The following ZNF487 variants were observed in gnomAD, a reference collection of about 807,000 sequenced individuals.
ZNF487 encodes the protein zinc finger protein 487.
In ZNF487, 4 loss-of-function variants were observed where a neutral mutation model predicts 3.0. The ratio of observed to expected loss-of-function variants is 1.35; its 90% CI spans 0.66 to 3.08. ZNF487 has a LOEUF of 3.08. Among genes scored for constraint, ZNF487 ranks in the 30% most tolerant of loss-of-function variants. ZNF487 has a pLI of 0.01. For synonymous variants in ZNF487, 55 were observed against 34.6 expected (o/e 1.59, Z -2.06); for missense variants, 146 against 98.7 (o/e 1.48, Z -2.03).
intron 1 of ZNF487, among the ~76,000 whole-genome samples, chr10:43,447,183 T>C (rs61859050): frequency 0.034 from 5,142 of 150,404 alleles, 115 homozygotes; most frequent in South Asian, 0.042. Flanking sequence ...GAGACGGAGA[T>C]GAGGGAGAGG....
In ZNF487 at chr10:43,455,793, G is replaced by A. The variant is rs1238827574; in HGVS notation, c.-94+18531G>A. Among the ~76,000 whole-genome samples the A allele has an allele frequency of 3.9e-5, 6 of 152,250 alleles. No homozygotes were observed. In the South Asian group the frequency reaches 1.2e-3, roughly 31 times the overall value. On this transcript the variant is annotated intron_variant, in intron 1 of 3. Coordinates refer to ENST00000437590, the MANE Select transcript of ZNF487 (RefSeq NM_001355444.3). ...CCCTTTGGCGCGTAGGAGACAGCGC[G>A]CCAGGCTGGCAGCCGGCCTTAGCGG...
intron 3 of ZNF487, among the ~76,000 whole-genome samples, chr10:43,479,772 C>T (rs188511875): frequency 2.6e-5 from 4 of 152,176 alleles, no homozygotes; most frequent in Admixed American, 6.5e-5. Flanking sequence ...CTCAGCCACC[C>T]GAGTAGCTGG....
chr10:43,445,414 C>T (rs571671531), intron 1 of ZNF487, among the ~76,000 whole-genome samples: 1 of 152,198 alleles, frequency 6.6e-6, no homozygotes, highest in East Asian at 1.9e-4. Flanking sequence ...GTGAATTTTA[C>T]TTTTTGGATG....
chr10:43,488,801 G>A, the ZNF487 span, among the ~76,000 whole-genome samples: 1 of 152,104 alleles, frequency 6.6e-6, no homozygotes, highest in African/African-American at 2.4e-5. Context: ...ATCAAAGAAA[G>A]TATGGCTACT....
At chr10:43,502,227 T>C in the ZNF487 span, among the ~76,000 whole-genome samples, 5 of 152,230 alleles carry the variant, frequency 3.3e-5, no homozygotes, top group African/African-American at 9.6e-5. Flanking sequence ...TTCATGTCTT[T>C]TGTAGGGACA....
At chr10:43,489,217 A>C in the ZNF487 span, among the ~76,000 whole-genome samples, 1 of 150,740 alleles carries the variant, frequency 6.6e-6, no homozygotes, top group African/African-American at 2.4e-5. Flanking sequence ...GGCTCATGCC[A>C]AGGAAGGAGG....
the ZNF487 span, among the ~76,000 whole-genome samples, chr10:43,512,281 G>A: frequency 1.1e-4 from 16 of 152,210 alleles, no homozygotes; most frequent in Non-Finnish European, 2.1e-4. Flanking sequence ...GGTGGCAGGA[G>A]TGGAGACCAT....
intron 1 of ZNF487, among the ~76,000 whole-genome samples, chr10:43,456,066 T>C (rs1040351110): frequency 6.6e-6 from 1 of 152,180 alleles, no homozygotes; most frequent in Non-Finnish European, 1.5e-5. Context: ...GGGGCACTTG[T>C]AGTCAGGGTT....
At chr10:43,468,713 G>A (rs574543206) in intron 1 of ZNF487, among the ~76,000 whole-genome samples, 3 of 145,696 alleles carry the variant, frequency 2.1e-5, no homozygotes, top group East Asian at 2.1e-4. Context: ...AAGGCCGGGC[G>A]CAGTGGCTCA....
intron 2 of ZNF487, 91 bp from the exon 3 acceptor site, chr10:43,476,016 T>C (rs945288212): frequency 2.9e-6 from 2 of 684,210 alleles, no homozygotes; most frequent in East Asian, 2.7e-5. Flanking sequence ...TTTTCTGTAA[T>C]GAAATGCTCA....
At chr10:43,480,878 C>G (rs972548250) in intron 3 of ZNF487, among the ~76,000 whole-genome samples, 1 of 152,146 alleles carries the variant, frequency 6.6e-6, no homozygotes, top group Admixed American at 6.6e-5. Flanking sequence ...ACTGTAGACT[C>G]TAATAATTAC....
At chr10:43,479,373 TTTC>T (rs1323985789) in intron 3 of ZNF487, among the ~76,000 whole-genome samples, 1 of 152,176 alleles carries the variant, frequency 6.6e-6, no homozygotes, top group Non-Finnish European at 1.5e-5. Context: ...GTGATCTATT[TTTC>T]TTAAGTTTGA....
At chr10:43,480,023 C>CT (rs768075650) in intron 3 of ZNF487, among the ~76,000 whole-genome samples, 1 of 68,590 alleles carries the variant, frequency 1.5e-5, no homozygotes, top group African/African-American at 3.6e-5. Context: ...TTCTTTCTTT[C>CT]TTTCTTTCTT....
rs540446455 is a variant in ZNF487, at chr10:43,459,033, G to C, written c.-93-16688G>C. 2.0e-5 allele frequency among the ~76,000 whole-genome samples: 3 copies of C among 152,168 alleles called. 1 individual carries two copies. Among genetic ancestry groups the C allele is most frequent in the South Asian group, 4.1e-4 (2 of 4,828 alleles). The stretch of plus-strand genomic sequence containing the variant: ...CTGGTAGGGGTATCCAAATGTCATG[G>C]ATACTTTAGTGCTTGCCTTAATTGA... On this transcript the variant is annotated intron_variant, in intron 1 of 3. Transcript: ENST00000437590.
At position 43,446,731 on chromosome 10, in the gene ZNF487, C is replaced by T. The variant is rs546855840; in HGVS notation, c.-94+9469C>T. Reference sequence around the variant, plus strand: ...CAGACTGGGCTGCCGGGCAGAGGGGCTCCTCACATCCCAGATGATGGGCGG... The same window carrying T: ...CAGACTGGGCTGCCGGGCAGAGGGGTTCCTCACATCCCAGATGATGGGCGG... On this transcript the variant is annotated intron_variant, in intron 1 of 3. Transcript: ENST00000437590. 2.6e-5 allele frequency among the ~76,000 whole-genome samples: 4 copies of T among 151,952 alleles called. No individual in the cohort carries two copies. In the East Asian group the frequency reaches 7.8e-4, roughly 30 times the overall value.
At chr10:43,460,082 A>G (rs886191291) in intron 1 of ZNF487, among the ~76,000 whole-genome samples, 1 of 151,990 alleles carries the variant, frequency 6.6e-6, no homozygotes, top group East Asian at 1.9e-4. Context: ...GATTATAGGC[A>G]TGAGCCACCG....
At chr10:43,511,430 A>G in the ZNF487 span, among the ~76,000 whole-genome samples, 1 of 152,184 alleles carries the variant, frequency 6.6e-6, no homozygotes, top group Non-Finnish European at 1.5e-5. Flanking sequence ...TGGCAGAAGC[A>G]TTGTGTGCAG....
the ZNF487 span, among the ~76,000 whole-genome samples, chr10:43,499,613 AAGTGCCATGCATCTGTAGCCCCATCT>A: frequency 2.0e-5 from 3 of 151,962 alleles, no homozygotes; most frequent in African/African-American, 7.3e-5. Context: ...TAGCCAGGCA[AAGTGCCATGCATCTGTAGCCCCATCT>A]ACTTGTGAGG....
the ZNF487 span, among the ~76,000 whole-genome samples, chr10:43,514,719 A>G: frequency 6.6e-6 from 1 of 152,188 alleles, no homozygotes; most frequent in East Asian, 1.9e-4. Context: ...ATTATATTTA[A>G]ATTTTGTAGT....
Sources: gnomAD v4.1 joint callset for allele counts (sites outside exome capture counted in the v4.1 genomes callset) on GRCh38, gnomAD v4.1.1 for gene constraint, MANE v1.5 for transcripts, NCBI Gene and HGNC (gene_info 2026-07-23, HGNC 2026-07-21) for gene names.